The following ENPP3 variants were observed in gnomAD, a reference collection of about 807,000 sequenced individuals.
The protein encoded by ENPP3 is ectonucleotide pyrophosphatase/phosphodiesterase 3.
Under a neutral mutation model 117.8 loss-of-function variants are expected in ENPP3, and 104 were observed. The observed-to-expected ratio is 0.88, with a 90% CI of 0.75 to 1.04. The LOEUF (loss-of-function observed/expected upper bound fraction) is 1.04, where lower values mean the gene tolerates loss of function less well. Among genes scored for constraint, ENPP3 ranks in the 50% least tolerant of loss-of-function variants. The pLI, the probability that ENPP3 is intolerant of heterozygous loss-of-function variation, is 0.00. For synonymous variants in ENPP3, 380 were observed against 349.9 expected (o/e 1.09, Z -0.96); for missense variants, 1,026 against 1,051.9 (o/e 0.98, Z 0.34).
At chr6:131,718,067 A>G (rs563151064) in intron 15 of ENPP3, among the ~76,000 whole-genome samples, 1 of 152,350 alleles carries the variant, frequency 6.6e-6, no homozygotes, top group East Asian at 1.9e-4. Context: ...ATAAACTTGC[A>G]TAAGAATGCA....
intron 15 of ENPP3, among the ~76,000 whole-genome samples, chr6:131,706,783 A>G (rs556170866): frequency 5.1e-4 from 78 of 152,092 alleles, no homozygotes; most frequent in African/African-American, 1.8e-3. Flanking sequence ...TCTGGAAACA[A>G]TCCCCCGCTG....
chr6:131,744,802 TACACACACACACACACAC>T (rs72401502), intron 24 of ENPP3, among the ~76,000 whole-genome samples: 5 of 146,766 alleles, frequency 3.4e-5, no homozygotes, highest in Non-Finnish European at 7.6e-5. Context: ...AGGTCATTTA[TACACACACACACACACAC>T]ACACACACAC....
intron 23 of ENPP3, among the ~76,000 whole-genome samples, chr6:131,739,690 G>A (rs1252759990): frequency 6.7e-6 from 1 of 149,810 alleles, no homozygotes; most frequent in Admixed American, 6.7e-5. Context: ...TGGCTGATGG[G>A]AGCAAAAAAT....
rs116585787 is a variant in ENPP3, at chr6:131,666,436, A to G, written c.563-4812A>G. Among the ~76,000 whole-genome samples, 805 of 152,174 alleles carry G rather than the reference A, an allele frequency of 5.3e-3. 5 individuals carry two copies. Among genetic ancestry groups the G allele is most frequent in the African/African-American group, 0.018 (767 of 41,522 alleles). On this transcript the variant is annotated intron_variant, in intron 6 of 24. Coordinates refer to ENST00000357639, the MANE Select transcript of ENPP3 (RefSeq NM_005021.5). ...GAGTTTTTAGCCATTATTTCTTTCT[A>G]TAAACTTTCTGGTTCTTTCTCTTTT...
intron 5 of ENPP3, among the ~76,000 whole-genome samples, chr6:131,657,200 A>G (rs1484946089): frequency 1.3e-5 from 2 of 152,152 alleles, no homozygotes; most frequent in African/African-American, 4.8e-5. Flanking sequence ...AGTTCATACT[A>G]TAGGATGAAC....
chr6:131,678,907 C>CTCTTTCTTTCTTTCTT (rs60304793), intron 11 of ENPP3, among the ~76,000 whole-genome samples: 2,125 of 71,638 alleles, frequency 0.03, 216 homozygotes, highest in East Asian at 0.052. Flanking sequence ...CTTTCTTTCT[C>CTCTTTCTTTCTTTCTT]TCTTTCTTTC....
intron 20 of ENPP3, among the ~76,000 whole-genome samples, chr6:131,731,654 T>C (rs568235039): frequency 6.6e-6 from 1 of 152,288 alleles, no homozygotes; most frequent in South Asian, 2.1e-4. Context: ...TTTCCAGCCT[T>C]ATGCGAACTC....
At chr6:131,706,361 CTTA>C (rs1298727180) in intron 15 of ENPP3, among the ~76,000 whole-genome samples, 1 of 137,662 alleles carries the variant, frequency 7.3e-6, no homozygotes, top group African/African-American at 3.2e-5. Flanking sequence ...ACTCCTTTTA[CTTA>C]TTAAAAAAAG....
chr6:131,685,336 G>A, intron 12 of ENPP3, 28 bp from the exon 13 acceptor site: 1 of 1,580,916 alleles, frequency 6.3e-7, no homozygotes, highest in Middle Eastern at 1.7e-4. Context: ...TACATTCAGT[G>A]GGTTATTATG....
intron 20 of ENPP3, 117 bp downstream of exon 20, chr6:131,726,317 G>A (rs2114542139): frequency 1.2e-6 from 1 of 848,208 alleles, no homozygotes; most frequent in Non-Finnish European, 1.8e-6. Flanking sequence ...TCACTGGCCT[G>A]TAGCTTGCAA....
At chr6:131,688,895 CCAAA>C (rs1779214503) in intron 14 of ENPP3, among the ~76,000 whole-genome samples, 1 of 100,230 alleles carries the variant, frequency 1.0e-5, no homozygotes, top group African/African-American at 7.2e-5. Flanking sequence ...TACTAAAAAT[CCAAA>C]AAAAAAAAAA....
chr6:131,727,163 A>G (rs1392312266), intron 20 of ENPP3, among the ~76,000 whole-genome samples: 4 of 152,188 alleles, frequency 2.6e-5, no homozygotes, highest in African/African-American at 7.2e-5. Flanking sequence ...CCAATCAACA[A>G]CAGAATGACA....
In ENPP3 at chr6:131,673,858, A is replaced by G. The variant is rs73779851; in HGVS notation, c.643-304A>G. On this transcript the variant is annotated intron_variant, in intron 7 of 24. Coordinates refer to ENST00000357639, the MANE Select transcript of ENPP3 (RefSeq NM_005021.5). ...TATATTGCATTAGCTATTATAAGTA[A>G]TCTAGAGATGATTAAAATATATAGG... Among the ~76,000 whole-genome samples the G allele has an allele frequency of 6.7e-3, 1,021 of 152,276 alleles. 11 individuals carry two copies. Among genetic ancestry groups the G allele is most frequent in the African/African-American group, 0.023 (969 of 41,560 alleles).
intron 6 of ENPP3, among the ~76,000 whole-genome samples, chr6:131,662,199 G>A (rs749926011): frequency 2.6e-5 from 4 of 151,648 alleles, no homozygotes; most frequent in African/African-American, 4.8e-5. Flanking sequence ...TTTGAAGATC[G>A]GTTGACCATA....
chr6:131,679,021 CCT>C (rs1562446839), intron 11 of ENPP3, among the ~76,000 whole-genome samples: 7 of 104,284 alleles, frequency 6.7e-5, no homozygotes, highest in African/African-American at 2.5e-4. Flanking sequence ...TTCCTTCCTT[CCT>C]TCCTTCTTTC....
At chr6:131,652,441 G>A (rs940291244) in intron 3 of ENPP3, 101 bp from the exon 4 acceptor site, 4 of 1,222,444 alleles carry the variant, frequency 3.3e-6, no homozygotes, top group African/African-American at 1.5e-5. Flanking sequence ...GATAAACCAA[G>A]AATTTGATTG....
intron 2 of ENPP3, among the ~76,000 whole-genome samples, chr6:131,647,999 A>G (rs1401792981): frequency 1.3e-5 from 2 of 150,706 alleles, no homozygotes; most frequent in Non-Finnish European, 2.9e-5. Context: ...GTCTTTCTTT[A>G]TCTCTTTCCT....
intron 9 of ENPP3, among the ~76,000 whole-genome samples, chr6:131,675,558 T>C (rs754821884): frequency 9.9e-5 from 15 of 152,180 alleles, no homozygotes; most frequent in Admixed American, 4.6e-4. Context: ...CCAGGTGCGG[T>C]GGCTCATGCC....
intron 14 of ENPP3, among the ~76,000 whole-genome samples, chr6:131,687,628 T>C (rs1454882338): frequency 3.9e-5 from 6 of 152,044 alleles, no homozygotes; most frequent in African/African-American, 1.4e-4. Flanking sequence ...CCAGAATCTA[T>C]AGGGAATTTA....
Sources: allele counts gnomAD v4.1 joint callset (sites outside exome capture counted in the v4.1 genomes callset), GRCh38; gene constraint gnomAD v4.1.1; transcripts MANE v1.5; gene names NCBI Gene and HGNC (gene_info 2026-07-23, HGNC 2026-07-21).